The following MGAT4C variants were observed in gnomAD, a reference collection of about 807,000 sequenced individuals.
MGAT4C encodes the protein MGAT4 family member C.
In MGAT4C, 19 loss-of-function variants were observed where a neutral mutation model predicts 40.1. That is an observed-to-expected ratio of 0.47 (90% confidence interval 0.33 to 0.70). MGAT4C has a LOEUF of 0.70. MGAT4C is among the 30% of genes least tolerant of loss of function. The pLI is 0.02. For synonymous variants in MGAT4C, 181 were observed against 187.1 expected (o/e 0.97, Z 0.27); for missense variants, 491 against 563.2 (o/e 0.87, Z 1.30).
chr12:85,984,778 T>C (rs983948264), intron 3 of MGAT4C, among the ~76,000 whole-genome samples: 14 of 152,076 alleles, frequency 9.2e-5, no homozygotes, highest in Admixed American at 5.9e-4. Context: ...TTTTATTTAT[T>C]TATTTAATTT....
At chr12:86,110,657 C>A (rs1197294131) in intron 1 of MGAT4C, among the ~76,000 whole-genome samples, 1 of 151,338 alleles carries the variant, frequency 6.6e-6, no homozygotes, top group Non-Finnish European at 1.5e-5. Context: ...TAAAACGTTT[C>A]TCTAAAAAGT....
chr12:86,203,478 T>C (rs1471937660), intron 1 of MGAT4C, among the ~76,000 whole-genome samples: 1 of 152,084 alleles, frequency 6.6e-6, no homozygotes, highest in Non-Finnish European at 1.5e-5. Context: ...AGGAAGAATT[T>C]TGGAATCCTT....
At chr12:86,687,406 C>G (rs1190600364) in intron 2 of MGAT4C, among the ~76,000 whole-genome samples, 1 of 151,698 alleles carries the variant, frequency 6.6e-6, no homozygotes, top group African/African-American at 2.4e-5. Flanking sequence ...TCTTGCTTCT[C>G]TAGTTCTTTT....
At chr12:86,480,230 G>A (rs1456540198) in intron 2 of MGAT4C, among the ~76,000 whole-genome samples, 2 of 151,648 alleles carry the variant, frequency 1.3e-5, no homozygotes, top group East Asian at 1.9e-4. Flanking sequence ...GTTCTTTCAT[G>A]TATAAGTAAT....
In MGAT4C at chr12:85,962,374, C is replaced by A. The variant is rs1883156017; in HGVS notation, c.*16915G>T. 1 of 149,246 alleles carries A rather than the reference C, an allele frequency of 6.7e-6. No homozygotes were observed. Among genetic ancestry groups the A allele is most frequent in the African/African-American group, 2.4e-5 (1 of 40,916 alleles). 9.2% of individuals were successfully genotyped at this position (149,246 alleles called of 1,614,324 possible). ...CTAAAGGCTAAACCAGAGCAATTTA[C>A]AACATCCAATGAAGTAAAATTATAT... On this transcript the variant is annotated 3_prime_UTR_variant, in exon 5 of 5. Coordinates refer to ENST00000611864, the MANE Select transcript of MGAT4C (RefSeq NM_001351288.2).
intron 1 of MGAT4C, among the ~76,000 whole-genome samples, chr12:86,063,172 A>T (rs570447018): frequency 6.6e-6 from 1 of 152,172 alleles, no homozygotes. Context: ...CTAACAGCAG[A>T]TCTCTCTACA....
chr12:86,729,619 T>C (rs187243262), intron 1 of MGAT4C, among the ~76,000 whole-genome samples: 1 of 152,098 alleles, frequency 6.6e-6, no homozygotes, highest in Non-Finnish European at 1.5e-5. Context: ...CTTATTTTTG[T>C]CAAATTTATA....
intron 4 of MGAT4C, among the ~76,000 whole-genome samples, chr12:86,261,799 G>A (rs1279793055): frequency 6.6e-6 from 1 of 152,030 alleles, no homozygotes; most frequent in Non-Finnish European, 1.5e-5. Context: ...TACAGTGAAG[G>A]GAAGTAAGAA....
intron 1 of MGAT4C, among the ~76,000 whole-genome samples, chr12:86,064,927 A>T (rs1894384731): frequency 6.6e-6 from 1 of 152,224 alleles, no homozygotes; most frequent in East Asian, 1.9e-4. Context: ...AGAATACTAT[A>T]AACACCTCTA....
chr12:86,709,916 T>A (rs773829449), intron 2 of MGAT4C, among the ~76,000 whole-genome samples: 32 of 152,302 alleles, frequency 2.1e-4, no homozygotes, highest in Non-Finnish European at 2.9e-4. Context: ...CACACAAAAA[T>A]GTCTTTGTTC....
chr12:86,700,835 C>G (rs1950349237), intron 2 of MGAT4C, among the ~76,000 whole-genome samples: 1 of 151,764 alleles, frequency 6.6e-6, no homozygotes. Flanking sequence ...AACAAATACA[C>G]CAGGAAGAAA....
At chr12:86,239,474 T>A (rs1052603090) in intron 1 of MGAT4C, among the ~76,000 whole-genome samples, 2 of 152,024 alleles carry the variant, frequency 1.3e-5, no homozygotes, top group African/African-American at 4.8e-5. Context: ...TGCTTTACAA[T>A]TAAAATTAAT....
intron 1 of MGAT4C, among the ~76,000 whole-genome samples, chr12:86,148,983 G>A (rs1883918363): frequency 6.6e-6 from 1 of 152,034 alleles, no homozygotes; most frequent in South Asian, 2.1e-4. Context: ...GAAAATAAAA[G>A]TTTAGCCCTG....
At position 86,413,645 on chromosome 12, in the gene MGAT4C, A is replaced by T. The variant is rs527542332; in HGVS notation, c.-120+21512T>A. 2.6e-5 allele frequency among the ~76,000 whole-genome samples: 4 copies of T among 152,318 alleles called. No homozygotes were observed. The South Asian group carries it at 8.3e-4, about 32-fold the overall frequency. On this transcript the variant is annotated intron_variant, in intron 3 of 7. Coordinates refer to the MGAT4C transcript ENST00000548651. ...TGTTGGAAATTTGCGCAGAGCAGAG[A>T]TGTTACAAAGTCAAAGATTTGTTAG...
At chr12:86,242,771 T>C (rs1251727663) in intron 1 of MGAT4C, among the ~76,000 whole-genome samples, 2 of 151,754 alleles carry the variant, frequency 1.3e-5, no homozygotes, top group African/African-American at 2.4e-5. Flanking sequence ...AAGGCACCAA[T>C]CCCCCACTCC....
chr12:86,261,970 C>T (rs2136096872), intron 4 of MGAT4C, among the ~76,000 whole-genome samples: 1 of 152,164 alleles, frequency 6.6e-6, no homozygotes, highest in East Asian at 1.9e-4. Context: ...TTTTTGCAAT[C>T]AGATCTTGGC....
chr12:85,994,673 C>G (rs1886410158), intron 2 of MGAT4C, among the ~76,000 whole-genome samples: 1 of 151,822 alleles, frequency 6.6e-6, no homozygotes, highest in Admixed American at 6.6e-5. Context: ...ACTCGGACAC[C>G]CAAAACCAGA....
At chr12:86,700,578 G>T (rs116474796) in intron 2 of MGAT4C, among the ~76,000 whole-genome samples, 3,137 of 152,148 alleles carry the variant, frequency 0.021, 100 homozygotes, top group African/African-American at 0.071. Flanking sequence ...GTAAGGTCAA[G>T]AAAAGGTTAC....
At chr12:86,256,642 T>A (rs1369795513), upstream of MGAT4C, among the ~76,000 whole-genome samples, 1 of 152,166 alleles carries the variant, frequency 6.6e-6, no homozygotes, top group African/African-American at 2.4e-5. Context: ...TTTACCTAAT[T>A]AATTAATCAG....
Sources: allele counts gnomAD v4.1 joint callset (sites outside exome capture counted in the v4.1 genomes callset), GRCh38; gene constraint gnomAD v4.1.1; transcripts MANE v1.5; gene names NCBI Gene and HGNC (gene_info 2026-07-23, HGNC 2026-07-21).